NEB: variants seen among roughly 807,000 people sequenced by gnomAD.
NEB encodes nebulin, also known as nemaline myopathy type 2.
Under a neutral mutation model 952.2 loss-of-function variants are expected in NEB, and 512 were observed. That is an observed-to-expected ratio of 0.54 (90% CI 0.50 to 0.58). The LOEUF (loss-of-function observed/expected upper bound fraction) is 0.58. Ranked by LOEUF, NEB falls within the 20% of genes least tolerant of loss-of-function variation. The probability of loss-of-function intolerance (pLI) is 0.00; values close to 1 mark genes in which losing one functional copy is unlikely to be tolerated. For synonymous variants in NEB, 2,900 were observed against 3,149.8 expected, an observed-to-expected ratio of 0.92 and a Z score of 2.66; for missense variants, 8,428 against 9,231.1, an observed-to-expected ratio of 0.91 and a Z score of 3.56.
intron 161 of NEB, 42 bp from the exon 162 acceptor site, chr2:151,508,151 G>A (rs780715899): frequency 8.6e-6 from 12 of 1,392,642 alleles, no homozygotes; most frequent in Admixed American, 1.9e-5. Flanking sequence ...AAACACCACA[G>A]GGATATAGGC....
At chr2:151,657,045 A>G (rs1293737762) in intron 48 of NEB, among the ~76,000 whole-genome samples, 1 of 152,180 alleles carries the variant, frequency 6.6e-6, no homozygotes, top group Non-Finnish European at 1.5e-5. Context: ...ACTATTTATC[A>G]TCCCAACTTT....
At chr2:151,576,835 T>G (rs2096885121) in intron 105 of NEB, among the ~76,000 whole-genome samples, 1 of 151,984 alleles carries the variant, frequency 6.6e-6, no homozygotes, top group Non-Finnish European at 1.5e-5. Context: ...ACGCCAGGCC[T>G]CTTTTATTTT....
chr2:151,493,467 C>G, intron 175 of NEB, 22 bp from the exon 176 acceptor site: 1 of 1,502,818 alleles, frequency 6.7e-7, no homozygotes. Context: ...AAAAGAGCAT[C>G]TAGGCATCAG....
chr2:151,711,995 G>T (rs2099746682), intron 10 of NEB, among the ~76,000 whole-genome samples: 1 of 152,066 alleles, frequency 6.6e-6, no homozygotes, highest in Non-Finnish European at 1.5e-5. Context: ...TTGATTTCTG[G>T]ATTTGCTAAG....
intron 61 of NEB, 61 bp from the exon 62 acceptor site, chr2:151,640,121 A>G (rs1026687998): frequency 7.7e-6 from 12 of 1,554,884 alleles, no homozygotes; most frequent in Non-Finnish European, 1.1e-5. Flanking sequence ...TTTCATCTGA[A>G]GGATAAGAGA....
Position 151,679,919 on chromosome 2 carries a change from T to A in NEB, c.3146A>T (p.Glu1049Val). Reference protein sequence around the residue: ...QAKVNAYNISENMYKADLKDL... With the variant: ...QAKVNAYNISVNMYKADLKDL... ...CAGCCCGTGAGTCCACCCACGCACC[T>A]CACTGATATTGTAGGCATTAACTTT... is the stretch of plus-strand genomic sequence containing the variant. Residue 1049 changes from glutamate to valine, a missense_variant and splice_region_variant, in exon 31 of 182, where the codon GAG becomes GTG. Glu to Val is a moderately radical substitution (Grantham distance 121). Around this residue, in one of 11 missense-constraint regions of NEB, gnomAD observed 2,851 missense variants for 2,791.5 expected, o/e 1.02. Coordinates refer to ENST00000397345, the MANE Select transcript of NEB (RefSeq NM_001164508.2). 6.2e-7 allele frequency: 1 copy of A among 1,612,292 alleles called. No homozygotes were observed. Among genetic ancestry groups the A allele is most frequent in the Non-Finnish European group, 8.5e-7 (1 of 1,178,320 alleles).
At chr2:151,692,469 G>A (rs1158574348) in intron 20 of NEB, 107 bp from the exon 21 acceptor site, 9 of 857,272 alleles carry the variant, frequency 1.0e-5, no homozygotes, top group Non-Finnish European at 7.6e-6. Flanking sequence ...CAAAATTTAT[G>A]TTTTCTCACC....
At chr2:151,515,119 G>A (rs762050854) in intron 157 of NEB, among the ~76,000 whole-genome samples, 191 bp from the exon 158 acceptor site, 17 of 152,146 alleles carry the variant, frequency 1.1e-4, no homozygotes, top group Non-Finnish European at 1.5e-4. Flanking sequence ...TGGCCACAAG[G>A]AAATTCAGGC....
At chr2:151,626,693 T>G (rs1263207384) in intron 70 of NEB, among the ~76,000 whole-genome samples, 1 of 152,060 alleles carries the variant, frequency 6.6e-6, no homozygotes, top group African/African-American at 2.4e-5. Flanking sequence ...TCTGCCACCA[T>G]GCCCGGCTAA....
At chr2:151,515,597 C>G (rs2077299380) in intron 157 of NEB, among the ~76,000 whole-genome samples, 2 of 152,252 alleles carry the variant, frequency 1.3e-5, no homozygotes, top group South Asian at 4.2e-4. Flanking sequence ...ACTCTGCCTC[C>G]CTGCCCCATC....
At chr2:151,601,379 G>A (rs1427729062) in intron 88 of NEB, among the ~76,000 whole-genome samples, 1 of 145,376 alleles carries the variant, frequency 6.9e-6, no homozygotes, top group African/African-American at 2.6e-5. Flanking sequence ...AAAATGCTGG[G>A]ATTTACAGGC....
chr2:151,672,313 G>A, intron 37 of NEB, 56 bp downstream of exon 37: 1 of 1,452,446 alleles, frequency 6.9e-7, no homozygotes, highest in African/African-American at 1.4e-5. Flanking sequence ...ATAAAAGCGA[G>A]AAGTGATCAT....
intron 135 of NEB, among the ~76,000 whole-genome samples, chr2:151,543,283 T>A (rs2094310488): frequency 6.6e-6 from 1 of 152,192 alleles, no homozygotes; most frequent in African/African-American, 2.4e-5. Context: ...TAAATACCAG[T>A]TGAACAGATA....
chr2:151,680,857 A>T (rs760595004), intron 29 of NEB, 29 bp from the exon 30 acceptor site: 10 of 1,522,058 alleles, frequency 6.6e-6, no homozygotes, highest in Non-Finnish European at 9.1e-6. Context: ...AGAGAAAAAC[A>T]ATCTTGTTTT....
chr2:151,666,246 G>A lies in NEB; in HGVS notation c.4875C>T (p.Tyr1625=), dbSNP rs759901573. ...CACTGACCATATCCAGAGGTGTGTG[G>A]TACTTGGTCTTGCTGGCTTCATAGC... ...KKGYEASKTK[Y]HTPLDMVSVT... The change falls in exon 41 of 182, where the codon TAC becomes TAT. Residue 1625 remains tyrosine (Y), a synonymous_variant. Coordinates refer to ENST00000397345, the MANE Select transcript of NEB (RefSeq NM_001164508.2). 3.1e-6 allele frequency: 5 copies of A among 1,613,946 alleles called. No homozygotes were observed. In the South Asian group the frequency reaches 4.4e-5, roughly 14 times the overall value.
In NEB at chr2:151,658,079, T is replaced by C. The variant is rs2154154183; in HGVS notation, c.6087A>G (p.Lys2029=). 1 of 1,596,908 alleles carries C rather than the reference T, an allele frequency of 6.3e-7. No individual in the cohort carries two copies. The highest frequency in any genetic ancestry group is 8.6e-7 in the Non-Finnish European group (1 of 1,167,724). ...NAINMSDKLY[K]LSLEESKKKG... ...TCTTTTTAGACTCTTCCAAGGAAAG[T>C]TTGTAGAGTTTCTGTAAAGAGAGGC... Residue 2029 remains lysine, a synonymous_variant, in exon 48 of 182, where the codon AAA becomes AAG. Coordinates refer to ENST00000397345, the MANE Select transcript of NEB (RefSeq NM_001164508.2).
chr2:151,612,123 T>C (rs1042204654), intron 78 of NEB, 63 bp downstream of exon 78: 39 of 1,541,710 alleles, frequency 2.5e-5, no homozygotes, highest in Middle Eastern at 4.5e-4. Context: ...GGGAATTTCC[T>C]ACTTTATGAG....
Position 151,682,658 on chromosome 2 carries a change from T to C in NEB, c.2943+4A>G. The C allele has an allele frequency of 4.4e-6, 7 of 1,608,066 alleles. No individual in the cohort carries two copies. Among genetic ancestry groups the C allele is most frequent in the Non-Finnish European group, 6.0e-6 (7 of 1,175,534 alleles). ...TCTCCCTCTGACACACCCAGTGGCT[T>C]TACCTCATTGAGGATGTCTGAAGCT... On this transcript the variant is annotated splice_donor_region_variant and intron_variant, in intron 29 of 181. Transcript: ENST00000397345.
At chr2:151,702,052 T>C (rs2099674115) in intron 13 of NEB, among the ~76,000 whole-genome samples, 1 of 149,198 alleles carries the variant, frequency 6.7e-6, no homozygotes, top group Non-Finnish European at 1.5e-5. Context: ...TCCCAGAGAT[T>C]CTGGTATGTT....
Sources: gnomAD v4.1 joint callset for allele counts (sites outside exome capture counted in the v4.1 genomes callset) on GRCh38, gnomAD v4.1.1 for gene constraint, gnomAD v4.1.1 regional missense constraint, MANE v1.5 for transcripts, NCBI Gene and HGNC (gene_info 2026-07-23, HGNC 2026-07-21) for gene names.